Variants in TENM2 observed in about 807,000 individuals in gnomAD.
TENM2 encodes teneurin transmembrane protein 2.
TENM2 carries 52 observed loss-of-function variants against 245.2 expected under a neutral mutation model. The observed-to-expected ratio is 0.21, with a 90% CI of 0.17 to 0.27. TENM2 has a LOEUF of 0.27. Ranked by LOEUF, TENM2 falls within the 10% of genes least tolerant of loss-of-function variation. The pLI is 1.00. For synonymous variants in TENM2, 1,363 were observed against 1,438.9 expected, an observed-to-expected ratio of 0.95 and a Z score of 1.19; for missense variants, 3,046 against 3,666.8, an observed-to-expected ratio of 0.83 and a Z score of 4.37.
chr5:168,043,360 A>G (rs559297304), intron 5 of TENM2, among the ~76,000 whole-genome samples: 1 of 152,088 alleles, frequency 6.6e-6, no homozygotes, highest in South Asian at 2.1e-4. Flanking sequence ...AAGCACTGGG[A>G]TTATAGGCGT....
intron 1 of TENM2, among the ~76,000 whole-genome samples, chr5:167,291,532 T>C (rs1433222612): frequency 6.6e-6 from 1 of 152,236 alleles, no homozygotes; most frequent in Non-Finnish European, 1.5e-5. Context: ...CCCTTGTTTA[T>C]ATATATGGTT....
intron 14 of TENM2, among the ~76,000 whole-genome samples, chr5:168,191,681 T>C (rs1228669901): frequency 6.6e-6 from 1 of 152,168 alleles, no homozygotes; most frequent in Non-Finnish European, 1.5e-5. Flanking sequence ...GGAGCAACTC[T>C]GGATGTATGC....
At chr5:167,827,030 C>T (rs1044830034) in intron 2 of TENM2, among the ~76,000 whole-genome samples, 1 of 152,248 alleles carries the variant, frequency 6.6e-6, no homozygotes, top group Non-Finnish European at 1.5e-5. Context: ...TAGAAACTGA[C>T]TGTATCCATC....
chr5:168,017,288 T>C (rs549840762), intron 5 of TENM2, among the ~76,000 whole-genome samples: 110 of 152,336 alleles, frequency 7.2e-4, no homozygotes, highest in African/African-American at 2.5e-3. Context: ...GATTATCATT[T>C]TAGAGCAGCA....
intron 2 of TENM2, among the ~76,000 whole-genome samples, chr5:167,592,821 A>G (rs1160917962): frequency 6.6e-6 from 1 of 152,192 alleles, no homozygotes; most frequent in Non-Finnish European, 1.5e-5. Flanking sequence ...TAAGAAAAAC[A>G]TACATTTGAT....
chr5:167,309,090 A>C lies in TENM2; in HGVS notation c.226+24027A>C, dbSNP rs111659582. On this transcript the variant is annotated intron_variant, in intron 1 of 28. Transcript: ENST00000518659. ...GGAGGTTTAAATGATAAAAAATCCA[A>C]AACAAAAAACAAATCACAAATCACC... 7.5e-3 allele frequency among the ~76,000 whole-genome samples: 1,136 copies of C among 152,240 alleles called. 15 individuals are homozygous for C. The highest frequency in any genetic ancestry group is 0.025 in the African/African-American group (1,054 of 41,524).
chr5:167,000,735 AAATG>A, the TENM2 span, among the ~76,000 whole-genome samples: 1 of 152,216 alleles, frequency 6.6e-6, no homozygotes, highest in African/African-American at 2.4e-5. Context: ...CTTGTTTTTT[AAATG>A]AATGAATGGT....
intron 2 of TENM2, among the ~76,000 whole-genome samples, chr5:167,418,463 A>G (rs1168450998): frequency 6.6e-6 from 1 of 152,160 alleles, no homozygotes; most frequent in African/African-American, 2.4e-5. Flanking sequence ...CTTTGTTGCT[A>G]TATTATATTT....
intron 2 of TENM2, among the ~76,000 whole-genome samples, chr5:167,490,622 C>A (rs776177361): frequency 1.3e-5 from 2 of 152,076 alleles, no homozygotes; most frequent in Non-Finnish European, 2.9e-5. Context: ...TAAAATATCT[C>A]TCATATTATT....
the TENM2 span, among the ~76,000 whole-genome samples, chr5:167,086,929 GCACACACACACACACACACA>G: frequency 6.6e-5 from 6 of 90,856 alleles, no homozygotes; most frequent in African/African-American, 1.6e-4. Context: ...ACACACACAC[GCACACACACACACACACACA>G]CACACACACA....
chr5:167,240,739 T>C, the TENM2 span, among the ~76,000 whole-genome samples: 1 of 152,218 alleles, frequency 6.6e-6, no homozygotes, highest in Admixed American at 6.5e-5. Flanking sequence ...CAGGAATATG[T>C]GCTACCTTCT....
At chr5:167,011,276 A>C in the TENM2 span, among the ~76,000 whole-genome samples, 1 of 152,208 alleles carries the variant, frequency 6.6e-6, no homozygotes, top group African/African-American at 2.4e-5. Context: ...ATAAACGTCT[A>C]AGTAATGCAT....
intron 2 of TENM2, among the ~76,000 whole-genome samples, chr5:167,844,584 T>C (rs1265043633): frequency 6.6e-6 from 1 of 152,192 alleles, no homozygotes; most frequent in Non-Finnish European, 1.5e-5. Context: ...CATTTGTAAA[T>C]GGCTTTTAAA....
chr5:167,943,375 G>A (rs146999179), intron 3 of TENM2, among the ~76,000 whole-genome samples: 54 of 152,008 alleles, frequency 3.6e-4, no homozygotes, highest in African/African-American at 1.1e-3. Context: ...ATGTTTGGGG[G>A]AAAGCACTGT....
intron 2 of TENM2, among the ~76,000 whole-genome samples, chr5:167,711,257 G>A (rs1758886905): frequency 6.6e-6 from 1 of 152,208 alleles, no homozygotes; most frequent in Non-Finnish European, 1.5e-5. Context: ...GCCAGGCTAG[G>A]TGATTGACTA....
At chr5:167,734,668 T>C (rs913688091) in intron 2 of TENM2, among the ~76,000 whole-genome samples, 1 of 152,126 alleles carries the variant, frequency 6.6e-6, no homozygotes, top group African/African-American at 2.4e-5. Context: ...CAGCTTTCAG[T>C]ACTGTGGTCT....
At chr5:167,648,680 G>T (rs1238223492) in intron 2 of TENM2, among the ~76,000 whole-genome samples, 1 of 152,246 alleles carries the variant, frequency 6.6e-6, no homozygotes, top group Non-Finnish European at 1.5e-5. Flanking sequence ...GAGAAAGAGG[G>T]CGGAGGGTGG....
the TENM2 span, among the ~76,000 whole-genome samples, chr5:167,142,211 G>A: frequency 6.6e-6 from 1 of 152,260 alleles, no homozygotes; most frequent in Non-Finnish European, 1.5e-5. Flanking sequence ...TTTTGGGGTT[G>A]CAGTCTAACC....
intron 8 of TENM2, among the ~76,000 whole-genome samples, chr5:168,092,130 A>C (rs17531616): frequency 0.18 from 27,236 of 152,204 alleles, 2,895 homozygotes; most frequent in South Asian, 0.28. Flanking sequence ...GACTCTTCAA[A>C]GAGCTATGTA....
Sources: allele counts gnomAD v4.1 joint callset (sites outside exome capture counted in the v4.1 genomes callset), GRCh38; gene constraint gnomAD v4.1.1; transcripts MANE v1.5; gene names NCBI Gene and HGNC (gene_info 2026-07-23, HGNC 2026-07-21).